KCTD10: variants seen among roughly 807,000 people sequenced by gnomAD.
KCTD10 encodes the protein potassium channel tetramerization domain containing 10, also known as BTB/POZ domain-containing adapter for CUL3-mediated RhoA degradation protein 3.
In KCTD10, 13 loss-of-function variants were observed where a neutral mutation model predicts 34.6. The observed-to-expected ratio is 0.38, with a 90% CI of 0.24 to 0.60. KCTD10 has a LOEUF of 0.60. Among genes scored for constraint, KCTD10 ranks in the 20% least tolerant of loss-of-function variants. The pLI, the probability that KCTD10 is intolerant of heterozygous loss-of-function variation, is 0.66. For missense variants in KCTD10, 256 were observed against 420.3 expected, an observed-to-expected ratio of 0.61 and a Z score of 3.42; for synonymous variants, 156 against 168.8, an observed-to-expected ratio of 0.92 and a Z score of 0.59.
Position 109,451,899 on chromosome 12 carries a change from A to AATCAGG in KCTD10, c.724-92_724-87dup, listed in dbSNP as rs3832870. 0.15 allele frequency: 173,012 copies of AATCAGG among 1,121,258 alleles called. 16,196 individuals are homozygous for AATCAGG. The highest frequency in any genetic ancestry group is 0.18 in the Middle Eastern group (829 of 4,656). The allele number at this position is 1,121,258 out of a possible 1,614,324, so 69.5% of individuals were successfully genotyped here. A position where few individuals can be genotyped will look rare whatever the true frequency, so the allele number is the denominator to read the frequency against. ...GACTTTAAGCAGGGCCGCCAGGCTA[A>AATCAGG]ATCAGGCCCCTGGGATTCTGCTGAA... On this transcript the variant is annotated intron_variant, in intron 6 of 6. Transcript: ENST00000228495. The surrounding 1 kb of genome is among the most constrained non-coding windows in gnomAD (Gnocchi z 5.0).
chr12:109,470,264 A>G, intron 1 of KCTD10: 2 of 985,762 alleles, frequency 2.0e-6, no homozygotes, highest in Non-Finnish European at 2.4e-6. Context: ...TATGAAGTTG[A>G]ATGGGATTCC....
intron 2 of KCTD10, among the ~76,000 whole-genome samples, chr12:109,463,539 G>T (rs189391348): frequency 1.8e-4 from 27 of 152,262 alleles, no homozygotes; most frequent in Admixed American, 1.7e-3. Context: ...CTGCCACGGG[G>T]CACGAGAGCT....
chr12:109,472,012 A>G (rs965880146), intron 1 of KCTD10, among the ~76,000 whole-genome samples: 2 of 152,182 alleles, frequency 1.3e-5, no homozygotes, highest in African/African-American at 4.8e-5. Context: ...GCTCTGGGTG[A>G]GCGAGTGGTG....
intron 1 of KCTD10, among the ~76,000 whole-genome samples, chr12:109,474,196 T>C (rs905949047): frequency 2.0e-5 from 3 of 152,256 alleles, no homozygotes; most frequent in South Asian, 2.1e-4. Flanking sequence ...ATTACAGGCA[T>C]GAACCACCGT....
At chr12:109,469,447 T>G in intron 2 of KCTD10, 68 bp downstream of exon 2, 1 of 1,561,148 alleles carries the variant, frequency 6.4e-7, no homozygotes, top group Non-Finnish European at 8.7e-7. Flanking sequence ...AAATGTCACT[T>G]CTTCAGGGAA....
Position 109,451,880 on chromosome 12 carries a change from A to C in KCTD10, c.724-67T>G. The C allele has an allele frequency of 7.1e-7, 1 of 1,406,168 alleles. No homozygotes were observed. The highest frequency in any genetic ancestry group is 9.6e-7 in the Non-Finnish European group (1 of 1,042,454). 87.1% of individuals were successfully genotyped at this position (1,406,168 alleles called of 1,614,324 possible). A position where few individuals can be genotyped will look rare whatever the true frequency, so the allele number is the denominator to read the frequency against. ...CCCCCTCTGCCAACACCTGGACTTTAAGCAGGGCCGCCAGGCTAAATCAGG... is the reference window on the plus strand; with the variant it reads ...CCCCCTCTGCCAACACCTGGACTTTCAGCAGGGCCGCCAGGCTAAATCAGG... On this transcript the variant is annotated intron_variant, in intron 6 of 6. Coordinates refer to ENST00000228495, the MANE Select transcript of KCTD10 (RefSeq NM_031954.5). The surrounding 1 kb of genome is among the most constrained non-coding windows in gnomAD (Gnocchi z 5.0).
intron 1 of KCTD10, chr12:109,470,170 C>G: frequency 6.0e-6 from 6 of 995,092 alleles, no homozygotes; most frequent in Non-Finnish European, 6.0e-6. Context: ...CTGCCCAGGT[C>G]TCTTTACATT....
chr12:109,460,912 G>C lies in KCTD10; in HGVS notation c.218-107C>G. 8.9e-7 allele frequency: 1 copy of C among 1,128,448 alleles called. No homozygotes were observed. Among genetic ancestry groups the C allele is most frequent in the Non-Finnish European group, 1.3e-6 (1 of 795,732 alleles). The allele number at this position is 1,128,448 out of a possible 1,614,324, so 69.9% of individuals were successfully genotyped here. On this transcript the variant is annotated intron_variant, in intron 2 of 6. Coordinates refer to ENST00000228495, the MANE Select transcript of KCTD10 (RefSeq NM_031954.5). The surrounding 1 kb of genome is among the most constrained non-coding windows in gnomAD (Gnocchi z 4.5). ...CTCCCTCTACCTCCCAGCGGAGAGC[G>C]GGACTGCCTGGAGAATGGCAGCCTC...
At chr12:109,471,505 G>A (rs1327295982) in intron 1 of KCTD10, 2 of 763,784 alleles carry the variant, frequency 2.6e-6, no homozygotes, top group African/African-American at 1.9e-5. Context: ...CTCACCTGGG[G>A]TCTTTGCTGC....
At chr12:109,473,840 G>A (rs1395172765) in intron 1 of KCTD10, among the ~76,000 whole-genome samples, 5 of 149,382 alleles carry the variant, frequency 3.3e-5, no homozygotes, top group Non-Finnish European at 7.4e-5. Context: ...ACAGTACAAC[G>A]GCACGATCTC....
intron 3 of KCTD10, chr12:109,458,693 G>A (rs1873158933): frequency 6.5e-6 from 1 of 152,926 alleles, no homozygotes; most frequent in Non-Finnish European, 1.5e-5. Context: ...CTGAAAACGG[G>A]GGGACAAGTG....
chr12:109,467,528 G>A (rs746147287), intron 2 of KCTD10, among the ~76,000 whole-genome samples: 17 of 152,112 alleles, frequency 1.1e-4, no homozygotes, highest in Admixed American at 5.2e-4. Context: ...AGGCTGAGGC[G>A]GGAGGATTGC....
intron 5 of KCTD10, 49 bp from the exon 6 acceptor site, chr12:109,456,362 A>G (rs917599017): frequency 1.3e-6 from 2 of 1,569,954 alleles, no homozygotes; most frequent in Non-Finnish European, 1.7e-6. Context: ...AAAAACTGCC[A>G]TCATTTGCTG....
rs1195927112 is a variant in KCTD10, at chr12:109,448,935, G to T, written c.*2660C>A. The T allele has an allele frequency of 6.6e-6, 1 of 152,188 alleles. No homozygotes were observed. Among genetic ancestry groups the T allele is most frequent in the African/African-American group, 2.4e-5 (1 of 41,432 alleles). 9.4% of individuals were successfully genotyped at this position (152,188 alleles called of 1,614,324 possible). A position where few individuals can be genotyped will look rare whatever the true frequency, so the allele number is the denominator to read the frequency against. The stretch of plus-strand genomic sequence containing the variant: ...CACACAGTGATCGCCCCACGGGAGG[G>T]TGACAGAATATGCCAGGAATTGTCT... On this transcript the variant is annotated 3_prime_UTR_variant, in exon 7 of 7. Coordinates refer to ENST00000228495, the MANE Select transcript of KCTD10 (RefSeq NM_031954.5).
At chr12:109,459,497 C>T (rs903192697) in intron 3 of KCTD10, 4 of 152,246 alleles carry the variant, frequency 2.6e-5, no homozygotes, top group African/African-American at 9.6e-5. Context: ...ATCCCTAACT[C>T]TGGCAAACTT....
chr12:109,456,435 A>G, intron 5 of KCTD10, 122 bp from the exon 6 acceptor site: 1 of 798,222 alleles, frequency 1.3e-6, no homozygotes, highest in Non-Finnish European at 2.1e-6. Context: ...TCAACCTCAC[A>G]ATAATCCCAT....
At chr12:109,473,063 G>A (rs1047666621) in intron 1 of KCTD10, among the ~76,000 whole-genome samples, 13 of 152,190 alleles carry the variant, frequency 8.5e-5, no homozygotes, top group African/African-American at 2.9e-4. Context: ...CTGGAAGACA[G>A]CTATAGTTAT....
In KCTD10 at chr12:109,448,890, T is replaced by C. The variant is rs920346675; in HGVS notation, c.*2705A>G. On this transcript the variant is annotated 3_prime_UTR_variant, in exon 7 of 7. Transcript: ENST00000228495. ...TGTTGTAAGGTACAGAGACACACTT[T>C]AACTGGGGAATGGGGTCCCCACACA... 2.6e-5 allele frequency: 4 copies of C among 152,168 alleles called. No individual in the cohort carries two copies. Among genetic ancestry groups the C allele is most frequent in the African/African-American group, 9.7e-5 (4 of 41,434 alleles). The allele number at this position is 152,168 out of a possible 1,614,324, so 9.4% of individuals were successfully genotyped here. A position where few individuals can be genotyped will look rare whatever the true frequency, so the allele number is the denominator to read the frequency against.
At position 109,469,723 on chromosome 12, in the gene KCTD10, C is replaced by CTCTTCCTG; in HGVS notation, c.4-3_8dup (p.Glu3AspfsTer11). ...AGCTCACCACACTTTCTCCTGACAT[C>CTCTTCCTG]TCTTCCTGCCAGTGGAGAGGATACA... On this transcript the variant is annotated frameshift_variant, in exon 2 of 7. Transcript: ENST00000228495. LOFTEE classifies it high-confidence loss of function. The CTCTTCCTG allele has an allele frequency of 6.2e-7, 1 of 1,614,202 alleles. No homozygotes were observed. Among genetic ancestry groups the CTCTTCCTG allele is most frequent in the Non-Finnish European group, 8.5e-7 (1 of 1,180,036 alleles).
Sources: allele counts gnomAD v4.1 joint callset (sites outside exome capture counted in the v4.1 genomes callset), GRCh38; gene constraint gnomAD v4.1.1; non-coding constraint Gnocchi (gnomAD v3.1); transcripts MANE v1.5; gene names NCBI Gene and HGNC (gene_info 2026-07-23, HGNC 2026-07-21).